Variants in RUNX3 observed in about 807,000 individuals in gnomAD.
RUNX3 encodes RUNX family transcription factor 3, also known as runt-related transcription factor 3.
In RUNX3, 10 loss-of-function variants were observed where a neutral mutation model predicts 27.7. The ratio of observed to expected loss-of-function variants is 0.36; its 90% CI spans 0.22 to 0.61. The LOEUF is 0.61. RUNX3 is among the 20% of genes least tolerant of loss of function. The pLI is 0.72. For missense variants in RUNX3, 469 were observed against 629.5 expected (o/e 0.75, Z 2.73); for synonymous variants, 270 against 269.2 (o/e 1.00, Z -0.03).
intron 3 of RUNX3, among the ~76,000 whole-genome samples, chr1:24,908,928 C>G (rs1640743048): frequency 1.3e-5 from 2 of 152,176 alleles, no homozygotes; most frequent in Admixed American, 6.5e-5. Flanking sequence ...CACCAGGATG[C>G]TGGGCAGAGG....
Position 24,902,751 on chromosome 1 carries a change from C to G in RUNX3, c.704-85G>C. ...GAAGAATGACCTTGGGCTCTGGTTC[C>G]CAAGGCCCATCTGGGGGACCCCTAG... On this transcript the variant is annotated intron_variant, in intron 4 of 4. Coordinates refer to ENST00000308873, the MANE Select transcript of RUNX3 (RefSeq NM_004350.3). The surrounding 1 kb of genome is among the most constrained non-coding windows in gnomAD (Gnocchi z 9.2). 1.6e-6 allele frequency: 2 copies of G among 1,256,204 alleles called. No homozygotes were observed. Among genetic ancestry groups the G allele is most frequent in the Non-Finnish European group, 2.2e-6 (2 of 928,356 alleles). 77.8% of individuals were successfully genotyped at this position (1,256,204 alleles called of 1,614,324 possible). A position where few individuals can be genotyped will look rare whatever the true frequency, so the allele number is the denominator to read the frequency against.
At chr1:24,907,931 T>A (rs547729475) in intron 3 of RUNX3, among the ~76,000 whole-genome samples, 32 of 151,432 alleles carry the variant, frequency 2.1e-4, no homozygotes, top group African/African-American at 3.6e-4. Context: ...TGTAAACCTC[T>A]ACAACACGCG....
At chr1:24,949,072 T>C (rs901652843) in intron 2 of RUNX3, among the ~76,000 whole-genome samples, 3 of 151,922 alleles carry the variant, frequency 2.0e-5, no homozygotes, top group Non-Finnish European at 4.4e-5. Flanking sequence ...TGCGAGTGTC[T>C]TTGAGGGGAT....
At chr1:24,939,840 G>A (rs72876130) in intron 2 of RUNX3, among the ~76,000 whole-genome samples, 1,668 of 152,370 alleles carry the variant, frequency 0.011, 33 homozygotes, top group African/African-American at 0.038. Flanking sequence ...GTGCCCCACG[G>A]CAGCATGGGT....
chr1:24,915,143 G>T (rs1377399984), intron 3 of RUNX3, among the ~76,000 whole-genome samples: 2 of 152,226 alleles, frequency 1.3e-5, no homozygotes, highest in Non-Finnish European at 2.9e-5. Flanking sequence ...ACAACAGGGG[G>T]CCGGGTGCGG....
intron 3 of RUNX3, among the ~76,000 whole-genome samples, chr1:24,911,136 G>A (rs922686878): frequency 6.6e-6 from 1 of 152,248 alleles, no homozygotes; most frequent in Non-Finnish European, 1.5e-5. Context: ...GGGGACAAGT[G>A]AGCAGAAGAA....
rs151003581 is a variant in RUNX3 at position 24,923,937 on chromosome 1, G to A, written c.439+3637C>T. On this transcript the variant is annotated intron_variant, in intron 2 of 4. Coordinates refer to ENST00000308873, the MANE Select transcript of RUNX3 (RefSeq NM_004350.3). The surrounding 1 kb of genome is among the most constrained non-coding windows in gnomAD (Gnocchi z 5.9). ...GGGCATTTTTGGGATTTGTGGTGGCGTGTGGTCAACATAGTGTTGGGGTGG... is the reference window on the plus strand; with the variant it reads ...GGGCATTTTTGGGATTTGTGGTGGCATGTGGTCAACATAGTGTTGGGGTGG... 1.1e-4 allele frequency among the ~76,000 whole-genome samples: 16 copies of A among 152,328 alleles called. No homozygotes were observed. The highest frequency in any genetic ancestry group is 3.4e-4 in the African/African-American group (14 of 41,568).
At chr1:24,950,618 C>A (rs922133464) in intron 2 of RUNX3, among the ~76,000 whole-genome samples, 2 of 152,214 alleles carry the variant, frequency 1.3e-5, no homozygotes, top group Admixed American at 1.3e-4. Context: ...TGGGGTGGAT[C>A]TCTGTTCTTG....
chr1:24,964,894 C>T (rs887415198), exon 1 of RUNX3: 11 of 449,868 alleles, frequency 2.4e-5, no homozygotes, highest in African/African-American at 4.0e-5. Context: ...TCAACAGAAG[C>T]GTATGCAGAG....
intron 2 of RUNX3, among the ~76,000 whole-genome samples, chr1:24,926,600 C>T (rs766917285): frequency 9.2e-5 from 14 of 152,150 alleles, no homozygotes; most frequent in African/African-American, 2.9e-4. Context: ...TGTTTCAGAG[C>T]GGGGCTGGCA....
At chr1:24,942,526 C>T (rs548784073) in intron 2 of RUNX3, among the ~76,000 whole-genome samples, 4 of 152,152 alleles carry the variant, frequency 2.6e-5, no homozygotes, top group Admixed American at 6.5e-5. Context: ...GAAGGTCTGT[C>T]GGAGCAGGTG....
At chr1:24,914,154 G>GT (rs1640843665) in intron 3 of RUNX3, among the ~76,000 whole-genome samples, 1 of 152,238 alleles carries the variant, frequency 6.6e-6, no homozygotes, top group Non-Finnish European at 1.5e-5. Context: ...TCACCTGGCC[G>GT]TAAGGTCCAG....
Position 24,964,272 on chromosome 1 carries a change from A to T in RUNX3, c.58+242T>A, listed in dbSNP as rs145982216. Among the ~76,000 whole-genome samples the T allele has an allele frequency of 1.8e-3, 273 of 152,200 alleles. 1 individual carries two copies. Among genetic ancestry groups the T allele is most frequent in the Admixed American group, 3.5e-3 (53 of 15,300 alleles). ...GCCCTTTGAGGTCTTGAGGTCTTGG[A>T]GTATCCATCGCCCCCACGGCTTACT... is the stretch of plus-strand genomic sequence containing the variant. On this transcript the variant is annotated intron_variant, in intron 2 of 6. Transcript: ENST00000338888.
intron 3 of RUNX3, among the ~76,000 whole-genome samples, chr1:24,913,378 G>C (rs1640830648): frequency 6.6e-6 from 1 of 152,210 alleles, no homozygotes; most frequent in Non-Finnish European, 1.5e-5. Context: ...ACCCACCAGT[G>C]GTCACTGTCT....
chr1:24,929,551 G>A (rs770452067), intron 1 of RUNX3, 36 bp downstream of exon 1: 1 of 1,535,186 alleles, frequency 6.5e-7, no homozygotes, highest in Non-Finnish European at 8.7e-7. Context: ...CGGAGCCCCA[G>A]GGCCGGCGCC....
chr1:24,937,722 A>G (rs1228782084), intron 2 of RUNX3, among the ~76,000 whole-genome samples: 1 of 152,264 alleles, frequency 6.6e-6, no homozygotes, highest in Non-Finnish European at 1.5e-5. Context: ...GGCATAACTG[A>G]GGCCAGAGAA....
Position 24,904,911 on chromosome 1 carries a change from T to C in RUNX3, c.704-2245A>G, listed in dbSNP as rs1341766126. Among the ~76,000 whole-genome samples the C allele has an allele frequency of 3.3e-5, 5 of 152,202 alleles. 1 individual carries two copies. The highest frequency in any genetic ancestry group is 1.2e-4 in the African/African-American group (5 of 41,460). The stretch of plus-strand genomic sequence containing the variant: ...AGGAAACCCGAGCTGCCCGGGGCAC[T>C]GTCGAGTGGCCAATCCCAACAGTGG... On this transcript the variant is annotated intron_variant, in intron 4 of 4. Coordinates refer to ENST00000308873, the MANE Select transcript of RUNX3 (RefSeq NM_004350.3). The surrounding 1 kb of genome is among the most constrained non-coding windows in gnomAD (Gnocchi z 5.7).
intron 3 of RUNX3, among the ~76,000 whole-genome samples, chr1:24,917,489 T>C (rs1396240941): frequency 6.6e-6 from 1 of 152,002 alleles, no homozygotes; most frequent in Non-Finnish European, 1.5e-5. Context: ...GCTGTCCACA[T>C]GTCGCCCCTG....
In RUNX3 at chr1:24,930,204, C is replaced by T. The variant is rs1641191626; in HGVS notation, c.-336G>A. On this transcript the variant is annotated 5_prime_UTR_variant, in exon 1 of 5. Transcript: ENST00000308873. The surrounding 1 kb of genome is among the most constrained non-coding windows in gnomAD (Gnocchi z 4.1). ...GCTGTGCCGCTGCCGCCGCCTCCCG[C>T]CCCGAAGCTCGCCCGCGGCCGCCCC... 2.0e-6 allele frequency: 2 copies of T among 981,382 alleles called. No individual in the cohort carries two copies. Among genetic ancestry groups the T allele is most frequent in the African/African-American group, 1.8e-5 (1 of 56,806 alleles). The allele number at this position is 981,382 out of a possible 1,614,324, so 60.8% of individuals were successfully genotyped here. A position where few individuals can be genotyped will look rare whatever the true frequency, so the allele number is the denominator to read the frequency against.
Sources: gnomAD v4.1 joint callset for allele counts (sites outside exome capture counted in the v4.1 genomes callset) on GRCh38, gnomAD v4.1.1 for gene constraint, Gnocchi (gnomAD v3.1) non-coding constraint, MANE v1.5 for transcripts, NCBI Gene and HGNC (gene_info 2026-07-23, HGNC 2026-07-21) for gene names.